PGGT1B: variants seen among roughly 807,000 people sequenced by gnomAD.
The protein encoded by PGGT1B is geranylgeranyl transferase type-1 subunit beta.
PGGT1B carries 30 observed loss-of-function variants against 46.1 expected under a neutral mutation model. The ratio of observed to expected loss-of-function variants is 0.65; its 90% CI spans 0.49 to 0.88. PGGT1B has a LOEUF of 0.88. PGGT1B is among the 40% of genes least tolerant of loss of function. PGGT1B has a pLI of 0.00. For synonymous variants in PGGT1B, 170 were observed against 160.0 expected (o/e 1.06, Z -0.47); for missense variants, 376 against 455.9 (o/e 0.82, Z 1.60).
rs762290678 is a variant in PGGT1B, at chr5:115,236,358, C to G, written c.612+32G>C. On this transcript the variant is annotated intron_variant, in intron 5 of 8. Coordinates refer to ENST00000419445, the MANE Select transcript of PGGT1B (RefSeq NM_005023.4). The stretch of plus-strand genomic sequence containing the variant: ...AGCCCTCATGTACCAGCAAAAACAA[C>G]CTAAATAGTCAATTTTATCAACAGA... 4.5e-6 allele frequency: 7 copies of G among 1,563,394 alleles called. No individual in the cohort carries two copies. In the South Asian group the frequency reaches 8.4e-5, roughly 19 times the overall value.
At chr5:115,244,481 A>AGG (rs1241341954) in intron 2 of PGGT1B, among the ~76,000 whole-genome samples, 1 of 109,960 alleles carries the variant, frequency 9.1e-6, no homozygotes, top group Non-Finnish European at 1.8e-5. Flanking sequence ...AAAAAAAAAA[A>AGG]AAAAAAAAAA....
chr5:115,254,666 A>G (rs1177468403), intron 1 of PGGT1B, among the ~76,000 whole-genome samples: 2 of 151,374 alleles, frequency 1.3e-5, no homozygotes, highest in Non-Finnish European at 2.9e-5. Flanking sequence ...AGCAGCATCC[A>G]TTAGATAACA....
intron 6 of PGGT1B, among the ~76,000 whole-genome samples, chr5:115,229,231 G>A (rs1756897897): frequency 6.6e-6 from 1 of 152,096 alleles, no homozygotes; most frequent in Non-Finnish European, 1.5e-5. Flanking sequence ...AGATGCTCCT[G>A]GCCGGAGACA....
chr5:115,260,764 G>A (rs761251210), intron 1 of PGGT1B, among the ~76,000 whole-genome samples: 4 of 152,110 alleles, frequency 2.6e-5, no homozygotes, highest in Non-Finnish European at 5.9e-5. Flanking sequence ...GCACCAAGGT[G>A]TTATATAACA....
At chr5:115,237,317 C>T (rs1470783123) in intron 4 of PGGT1B, among the ~76,000 whole-genome samples, 1 of 152,158 alleles carries the variant, frequency 6.6e-6, no homozygotes, top group East Asian at 1.9e-4. Flanking sequence ...TGCTTTATCG[C>T]TTCTCAGACT....
chr5:115,229,350 A>C (rs1756901774), intron 6 of PGGT1B, among the ~76,000 whole-genome samples: 1 of 152,130 alleles, frequency 6.6e-6, no homozygotes. Flanking sequence ...ACACTGTGAC[A>C]CTATGATTAA....
intron 8 of PGGT1B, among the ~76,000 whole-genome samples, chr5:115,216,142 T>C (rs1447939581): frequency 6.6e-6 from 1 of 152,100 alleles, no homozygotes. Flanking sequence ...TTTTATTTAA[T>C]GACTTTTTTT....
chr5:115,208,766 C>T lies in PGGT1B; in HGVS notation c.*3636G>A, dbSNP rs1223044829. 1.3e-5 allele frequency: 2 copies of T among 151,876 alleles called. No individual in the cohort carries two copies. Among genetic ancestry groups the T allele is most frequent in the African/African-American group, 2.4e-5 (1 of 41,386 alleles). The allele number at this position is 151,876 out of a possible 1,614,324, so 9.4% of individuals were successfully genotyped here. A position where few individuals can be genotyped will look rare whatever the true frequency, so the allele number is the denominator to read the frequency against. On this transcript the variant is annotated 3_prime_UTR_variant, in exon 9 of 9. Transcript: ENST00000419445. ...CTTCTGCTTTATTTTGCTTTTTACT[C>T]CAAGTGTTTGGTACTTGGTTAATTT...
At chr5:115,259,986 C>A (rs1269568068) in intron 1 of PGGT1B, among the ~76,000 whole-genome samples, 1 of 152,076 alleles carries the variant, frequency 6.6e-6, no homozygotes, top group African/African-American at 2.4e-5. Flanking sequence ...AACTCATAAC[C>A]ACACTAAACT....
chr5:115,259,182 T>C (rs979399690), intron 1 of PGGT1B, among the ~76,000 whole-genome samples: 1 of 152,216 alleles, frequency 6.6e-6, no homozygotes, highest in African/African-American at 2.4e-5. Context: ...ACTGCATATT[T>C]GTTTCTCCTA....
chr5:115,219,119 A>G (rs1441559664), intron 7 of PGGT1B, among the ~76,000 whole-genome samples: 1 of 151,916 alleles, frequency 6.6e-6, no homozygotes, highest in Non-Finnish European at 1.5e-5. Flanking sequence ...GATTCATATC[A>G]AATTGCAAGG....
chr5:115,258,654 TG>T (rs1001253834), intron 1 of PGGT1B, among the ~76,000 whole-genome samples: 1 of 152,224 alleles, frequency 6.6e-6, no homozygotes, highest in Non-Finnish European at 1.5e-5. Flanking sequence ...AACAAAACAC[TG>T]GAACACATTC....
intron 3 of PGGT1B, among the ~76,000 whole-genome samples, chr5:115,238,923 T>C (rs772143418): frequency 6.6e-6 from 1 of 152,190 alleles, no homozygotes; most frequent in Admixed American, 6.5e-5. Context: ...AAACCACCCA[T>C]GAATCGTAAG....
intron 6 of PGGT1B, among the ~76,000 whole-genome samples, chr5:115,225,443 T>C (rs1223273323): frequency 6.6e-6 from 1 of 152,182 alleles, no homozygotes; most frequent in Non-Finnish European, 1.5e-5. Flanking sequence ...GTAACAGTTA[T>C]AACTTATTTT....
At chr5:115,212,818 AG>A (rs1756277039) in intron 8 of PGGT1B, among the ~76,000 whole-genome samples, 3 of 152,200 alleles carry the variant, frequency 2.0e-5, no homozygotes, top group Non-Finnish European at 4.4e-5. Context: ...AAAGGAAAAC[AG>A]TTTCCAGCTG....
intron 2 of PGGT1B, among the ~76,000 whole-genome samples, chr5:115,244,122 T>C (rs1757431782): frequency 1.3e-5 from 2 of 152,082 alleles, no homozygotes; most frequent in Non-Finnish European, 2.9e-5. Context: ...AGATTAGTAT[T>C]TGACTGAATT....
At chr5:115,258,175 C>G (rs1748402672) in intron 1 of PGGT1B, among the ~76,000 whole-genome samples, 1 of 152,182 alleles carries the variant, frequency 6.6e-6, no homozygotes, top group Non-Finnish European at 1.5e-5. Context: ...GCTTCCTAAC[C>G]TTAAGGAGGT....
intron 7 of PGGT1B, among the ~76,000 whole-genome samples, chr5:115,218,160 A>G (rs1421464250): frequency 1.3e-5 from 2 of 151,840 alleles, no homozygotes; most frequent in Non-Finnish European, 3.0e-5. Context: ...GAGAGGCTAA[A>G]TCTTAATTTC....
chr5:115,225,096 A>G (rs1355318909), intron 6 of PGGT1B, among the ~76,000 whole-genome samples: 3 of 152,196 alleles, frequency 2.0e-5, no homozygotes, highest in Admixed American at 1.3e-4. Flanking sequence ...AATGATTTGA[A>G]TTCATCAAGA....
Sources: allele counts gnomAD v4.1 joint callset (sites outside exome capture counted in the v4.1 genomes callset), GRCh38; gene constraint gnomAD v4.1.1; transcripts MANE v1.5; gene names NCBI Gene and HGNC (gene_info 2026-07-23, HGNC 2026-07-21).